The following MYO18B variants were observed in gnomAD, a reference collection of about 807,000 sequenced individuals.
MYO18B encodes unconventional myosin-XVIIIb.
MYO18B carries 204 observed loss-of-function variants against 273.0 expected under a neutral mutation model. The observed-to-expected ratio is 0.75, with a 90% CI of 0.67 to 0.84. The LOEUF is 0.84. Among genes scored for constraint, MYO18B ranks in the 40% least tolerant of loss-of-function variants. The pLI, the probability that MYO18B is intolerant of heterozygous loss-of-function variation, is 0.00. For missense variants in MYO18B, 3,212 were observed against 3,287.6 expected (o/e 0.98, Z 0.56); for synonymous variants, 1,330 against 1,305.7 (o/e 1.02, Z -0.40).
Position 25,878,033 on chromosome 22 carries a change from T to G in MYO18B, c.4299T>G (p.Asp1433Glu). ...GGAATGAACTCCGGCAGAACACAGA[T>G]CTGCTAGAAAGCAAGGTATCCCCAT... ...KLRNELRQNTDLLESKIADLT... is the reference protein window; with the variant it reads ...KLRNELRQNTELLESKIADLT... The change falls in exon 25 of 44, where the codon GAT (aspartate) becomes GAG (glutamate). Residue 1433 changes from aspartate to glutamate, a missense_variant. Transcript: ENST00000335473. 2 of 1,581,366 alleles carry G rather than the reference T, an allele frequency of 1.3e-6. No homozygotes were observed. Among genetic ancestry groups the G allele is most frequent in the Non-Finnish European group, 1.7e-6 (2 of 1,163,198 alleles).
Position 25,780,122 on chromosome 22 carries a change from G to A in MYO18B, c.2135G>A (p.Arg712His), listed in dbSNP as rs772067339. ...GGCTCTGTGTCCATGGCCCACAGCC[G>A]CAGTGCCACCCGGTTCTCCATGGTG... ...AFGSVSMAHS[R>H]SATRFSMVMS... is the part of the protein sequence containing the mutation. The change falls in exon 9 of 44, where the codon CGC becomes CAC. Residue 712 changes from arginine to histidine, a missense_variant. Transcript: ENST00000335473. 33 of 1,603,524 alleles carry A rather than the reference G, an allele frequency of 2.1e-5. No individual in the cohort carries two copies. Among genetic ancestry groups the A allele is most frequent in the Non-Finnish European group, 1.8e-5 (21 of 1,176,060 alleles).
chr22:25,924,443 G>A (rs1296516253), intron 34 of MYO18B, among the ~76,000 whole-genome samples: 8 of 152,200 alleles, frequency 5.3e-5, no homozygotes, highest in South Asian at 2.1e-4. Flanking sequence ...GGTACCCACC[G>A]TCATAGAATT....
intron 1 of MYO18B, among the ~76,000 whole-genome samples, chr22:25,749,202 C>T (rs1179921012): frequency 6.6e-6 from 1 of 152,158 alleles, no homozygotes; most frequent in African/African-American, 2.4e-5. Flanking sequence ...AAAACAGCAC[C>T]CTCAACTGGT....
In MYO18B at chr22:25,803,234, A is replaced by G. The variant is rs191546381; in HGVS notation, c.2521+5137A>G. On this transcript the variant is annotated intron_variant, in intron 12 of 43. Transcript: ENST00000335473. ...TGCCTCAGCCTCCCAAAGTGCTGGGATTACAGGCGTGAGCCACCACGCCTG... is the reference window on the plus strand; with the variant it reads ...TGCCTCAGCCTCCCAAAGTGCTGGGGTTACAGGCGTGAGCCACCACGCCTG... Among the ~76,000 whole-genome samples, 119 of 152,216 alleles carry G rather than the reference A, an allele frequency of 7.8e-4. 1 individual carries two copies. The Middle Eastern group carries it at 0.01, about 13-fold the overall frequency.
rs781354352 is a variant in MYO18B, at chr22:25,874,223, A to ACCCCC, written c.3952-60_3952-56dup. On this transcript the variant is annotated intron_variant, in intron 22 of 43. Coordinates refer to ENST00000335473, the MANE Select transcript of MYO18B (RefSeq NM_032608.7). ...GAGAAGTGGGGTCTGATTTGCAAGC[A>ACCCCC]CCCCCCCATTGTAGACAGCCTTCTT... 1.3e-5 allele frequency: 21 copies of ACCCCC among 1,591,484 alleles called. No homozygotes were observed. The African/African-American group carries it at 2.2e-4, about 16-fold the overall frequency.
the MYO18B span, among the ~76,000 whole-genome samples, chr22:26,053,571 G>A: frequency 3.3e-5 from 5 of 152,182 alleles, no homozygotes; most frequent in African/African-American, 4.8e-5. Flanking sequence ...ATATGTTTGA[G>A]CCCTTTGGTA....
rs768995236 is a variant in MYO18B, at chr22:25,950,372, T to C, written c.5754T>C (p.Ala1918=). ...QKHKDLIAQS[A]ADIGQIQELQ... The stretch of plus-strand genomic sequence containing the variant: ...TTTTTTTTTTGTCTCACCAGTCTGC[T>C]GCTGACATTGGGCAGATCCAAGAAC... The change falls in exon 37 of 44, where the codon GCT becomes GCC. Residue 1918 remains alanine (A), a synonymous_variant. Transcript: ENST00000335473. 2.5e-6 allele frequency: 4 copies of C among 1,600,368 alleles called. No homozygotes were observed. In the South Asian group the frequency reaches 4.5e-5, roughly 18 times the overall value.
At chr22:25,872,076 A>G (rs1473437758) in intron 22 of MYO18B, among the ~76,000 whole-genome samples, 3 of 151,858 alleles carry the variant, frequency 2.0e-5, no homozygotes, top group Non-Finnish European at 4.4e-5. Context: ...TTGTGTCTTT[A>G]TTTCAATGAG....
At chr22:25,979,043 A>G (rs1003024356) in intron 39 of MYO18B, among the ~76,000 whole-genome samples, 2 of 152,228 alleles carry the variant, frequency 1.3e-5, no homozygotes, top group African/African-American at 4.8e-5. Flanking sequence ...AAGAGATTGT[A>G]TTGATGAGGT....
chr22:25,754,970 G>T (rs1302902006), intron 1 of MYO18B, among the ~76,000 whole-genome samples: 2 of 152,226 alleles, frequency 1.3e-5, no homozygotes, highest in East Asian at 1.9e-4. Context: ...ACGTGGCCAG[G>T]CCTGGGCTGG....
chr22:25,838,901 A>G (rs1488708769), intron 17 of MYO18B, among the ~76,000 whole-genome samples: 1 of 151,532 alleles, frequency 6.6e-6, no homozygotes, highest in Non-Finnish European at 1.5e-5. Context: ...CTGTGTCTAT[A>G]TGTGTATGTG....
chr22:26,004,577 C>G (rs1282110614), intron 41 of MYO18B, 141 bp from the exon 42 acceptor site: 5 of 1,018,356 alleles, frequency 4.9e-6, no homozygotes, highest in Non-Finnish European at 6.9e-6. Flanking sequence ...AGCACTGGCT[C>G]CTACCTCTCT....
chr22:26,012,986 T>C (rs1935033725), intron 42 of MYO18B, among the ~76,000 whole-genome samples: 4 of 152,152 alleles, frequency 2.6e-5, no homozygotes, highest in Admixed American at 2.6e-4. Flanking sequence ...CACCTCCTCC[T>C]TCCTCAAAGA....
At chr22:26,006,397 G>T in intron 42 of MYO18B, 2 of 241,364 alleles carry the variant, frequency 8.3e-6, no homozygotes, top group Admixed American at 4.2e-5. Context: ...TTTTTACATT[G>T]TAATGGCCTG....
intron 3 of MYO18B, among the ~76,000 whole-genome samples, chr22:25,765,895 G>T (rs139999465): frequency 3.9e-5 from 6 of 152,122 alleles, no homozygotes; most frequent in African/African-American, 1.4e-4. Flanking sequence ...ACAGTGGTGA[G>T]ATTTGCCAAG....
chr22:25,895,124 C>A (rs550390723), intron 27 of MYO18B, 32 bp from the exon 28 acceptor site: 1 of 1,607,382 alleles, frequency 6.2e-7, no homozygotes, highest in Admixed American at 1.7e-5. Flanking sequence ...CATTTGGCCT[C>A]TTATCCTGGT....
intron 39 of MYO18B, among the ~76,000 whole-genome samples, chr22:25,966,613 CTG>C (rs1251569034): frequency 2.0e-5 from 3 of 152,160 alleles, no homozygotes; most frequent in Non-Finnish European, 4.4e-5. Flanking sequence ...CTTATAAACT[CTG>C]TGTTCACAGA....
intron 13 of MYO18B, among the ~76,000 whole-genome samples, chr22:25,824,245 C>G (rs899714773): frequency 7.9e-5 from 12 of 152,186 alleles, no homozygotes; most frequent in African/African-American, 2.4e-4. Flanking sequence ...AGACAGGAGA[C>G]CCACTGGGAA....
At position 25,828,995 on chromosome 22, in the gene MYO18B, C is replaced by T. The variant is rs2089602231; in HGVS notation, c.2979+27C>T. On this transcript the variant is annotated intron_variant, in intron 15 of 43. Coordinates refer to ENST00000335473, the MANE Select transcript of MYO18B (RefSeq NM_032608.7). ...TATGCCTGGGCTGGAGCAGGGCTTT[C>T]ACCAGAGCTCCGTGGATGGTGTAAG... is the stretch of plus-strand genomic sequence containing the variant. 2.5e-6 allele frequency: 4 copies of T among 1,610,826 alleles called. No homozygotes were observed. In the East Asian group the frequency reaches 6.7e-5, roughly 27 times the overall value.
Sources: allele counts gnomAD v4.1 joint callset (sites outside exome capture counted in the v4.1 genomes callset), GRCh38; gene constraint gnomAD v4.1.1; transcripts MANE v1.5; gene names NCBI Gene and HGNC (gene_info 2026-07-23, HGNC 2026-07-21).